The following THBS2 variants were observed in gnomAD, a reference collection of about 807,000 sequenced individuals.
THBS2 encodes thrombospondin-2.
Under a neutral mutation model 135.2 loss-of-function variants are expected in THBS2, and 47 were observed. The observed-to-expected ratio is 0.35, with a 90% CI of 0.28 to 0.44. The LOEUF (loss-of-function observed/expected upper bound fraction) is 0.44, where lower values mean the gene tolerates loss of function less well. Ranked by LOEUF, THBS2 falls within the 20% of genes least tolerant of loss-of-function variation. The pLI is 1.00. For missense variants in THBS2, 1,288 were observed against 1,603.1 expected, an observed-to-expected ratio of 0.80 and a Z score of 3.36; for synonymous variants, 639 against 633.8, an observed-to-expected ratio of 1.01 and a Z score of -0.12.
chr6:169,235,306 G>A (rs888081967), intron 9 of THBS2, among the ~76,000 whole-genome samples: 1 of 151,926 alleles, frequency 6.6e-6, no homozygotes, highest in Non-Finnish European at 1.5e-5. Flanking sequence ...ACAGGCATGA[G>A]CCACCGTGCC....
At chr6:169,238,348 G>T (rs1404766287) in intron 7 of THBS2, among the ~76,000 whole-genome samples, 2 of 152,192 alleles carry the variant, frequency 1.3e-5, no homozygotes, top group Non-Finnish European at 2.9e-5. Flanking sequence ...TAAATGGGGG[G>T]AAAGAGCAAC....
chr6:169,236,243 CCCCA>C (rs1225386677), intron 9 of THBS2, among the ~76,000 whole-genome samples: 12 of 134,036 alleles, frequency 9.0e-5, no homozygotes, highest in Admixed American at 7.4e-5. Context: ...CACACTCACT[CCCCA>C]TCCACATTCA....
chr6:169,217,214 T>G lies in THBS2; in HGVS notation c.*608A>C. The G allele has an allele frequency of 6.6e-6, 1 of 152,300 alleles. No homozygotes were observed. Among genetic ancestry groups the G allele is most frequent in the East Asian group, 1.9e-4 (1 of 5,202 alleles). 9.4% of individuals were successfully genotyped at this position (152,300 alleles called of 1,614,324 possible). A position where few individuals can be genotyped will look rare whatever the true frequency, so the allele number is the denominator to read the frequency against. On this transcript the variant is annotated 3_prime_UTR_variant, in exon 22 of 22. Coordinates refer to ENST00000617924, the MANE Select transcript of THBS2 (RefSeq NM_003247.5). ...GAGTTCGTTTATTTTTGTAACTGTT[T>G]TACATGTTCCGATTAGTTAATCGGT... is the stretch of plus-strand genomic sequence containing the variant.
At chr6:169,231,656 G>C (rs1583410282) in intron 13 of THBS2, among the ~76,000 whole-genome samples, 2 of 152,216 alleles carry the variant, frequency 1.3e-5, no homozygotes, top group Admixed American at 6.5e-5. Flanking sequence ...CCTCTGCACA[G>C]CCTGGAGCCG....
intron 21 of THBS2, among the ~76,000 whole-genome samples, 177 bp downstream of exon 21, chr6:169,220,016 ACAATC>A (rs1328301208): frequency 6.6e-5 from 10 of 152,184 alleles, no homozygotes; most frequent in African/African-American, 2.4e-4. Flanking sequence ...TAAAAACAAA[ACAATC>A]CAAGCTGACC....
intron 4 of THBS2, among the ~76,000 whole-genome samples, chr6:169,245,540 C>T (rs1007777663): frequency 1.3e-5 from 2 of 152,140 alleles, no homozygotes; most frequent in South Asian, 4.1e-4. Context: ...CACCTGTAAT[C>T]CCAGCACTTT....
At chr6:169,248,065 C>T (rs997067676) in intron 3 of THBS2, among the ~76,000 whole-genome samples, 14 of 149,488 alleles carry the variant, frequency 9.4e-5, no homozygotes, top group East Asian at 7.9e-4. Context: ...GTGTGTGTTG[C>T]GTGGTGTGTG....
intron 21 of THBS2, chr6:169,219,895 A>G (rs1212989773): frequency 3.5e-6 from 2 of 575,350 alleles, no homozygotes; most frequent in African/African-American, 3.7e-5. Context: ...AAATGGCGTC[A>G]GGAGCCTGGA....
intron 7 of THBS2, 118 bp from the exon 8 acceptor site, chr6:169,237,913 G>A (rs1251031130): frequency 1.0e-5 from 13 of 1,274,048 alleles, no homozygotes; most frequent in Non-Finnish European, 1.2e-5. Flanking sequence ...GAATCTGAGG[G>A]GCCACTGCCT....
In THBS2 at chr6:169,217,569, C is replaced by A. The variant is rs1779219832; in HGVS notation, c.*253G>T. ...TGTAATGGCATGCCCAATTTTCACT[C>A]CACATAAAGTCTCATATATCACCAA... On this transcript the variant is annotated 3_prime_UTR_variant, in exon 22 of 22. Coordinates refer to ENST00000617924, the MANE Select transcript of THBS2 (RefSeq NM_003247.5). 6.6e-6 allele frequency: 3 copies of A among 456,224 alleles called. No individual in the cohort carries two copies. The highest frequency in any genetic ancestry group is 7.9e-6 in the Non-Finnish European group (2 of 253,508). The allele number at this position is 456,224 out of a possible 1,614,324, so 28.3% of individuals were successfully genotyped here.
chr6:169,252,843 A>AG lies in THBS2; in HGVS notation c.-23+880dup, dbSNP rs1250798475. 6.6e-6 allele frequency among the ~76,000 whole-genome samples: 1 copy of AG among 152,230 alleles called. No homozygotes were observed. Among genetic ancestry groups the AG allele is most frequent in the Non-Finnish European group, 1.5e-5 (1 of 68,046 alleles). On this transcript the variant is annotated intron_variant, in intron 1 of 21. Coordinates refer to ENST00000617924, the MANE Select transcript of THBS2 (RefSeq NM_003247.5). The surrounding 1 kb of genome is among the most constrained non-coding windows in gnomAD (Gnocchi z 4.3). ...AGCAGAATGTAGTTTGAATTTGCAA[A>AG]GGTCTTTTAAAACTCTTTTCGTATG...
Position 169,241,621 on chromosome 6 carries a change from G to GA in THBS2, c.891+140dup. On this transcript the variant is annotated intron_variant, in intron 5 of 21. Transcript: ENST00000617924. This position sits in a 1 kb window ranked among gnomAD's most constrained non-coding sequence, Gnocchi z 5.5. ...AGCAAGGATCCTGAGGAGCCCGGCA[G>GA]ACACCTCCCCTGTGAACTGTGGGTT... is the stretch of plus-strand genomic sequence containing the variant. 1 of 817,112 alleles carries GA rather than the reference G, an allele frequency of 1.2e-6. No homozygotes were observed. Among genetic ancestry groups the GA allele is most frequent in the South Asian group, 2.3e-5 (1 of 43,872 alleles). 50.6% of individuals were successfully genotyped at this position (817,112 alleles called of 1,614,324 possible).
chr6:169,247,890 ATGTC>A (rs1016026529), intron 3 of THBS2, among the ~76,000 whole-genome samples: 17 of 150,374 alleles, frequency 1.1e-4, no homozygotes, highest in South Asian at 4.2e-4. Flanking sequence ...GTTCACATGT[ATGTC>A]TGTGTGGTGT....
chr6:169,218,643 GTT>G, intron 21 of THBS2, among the ~76,000 whole-genome samples: 2 of 95,772 alleles, frequency 2.1e-5, no homozygotes, highest in African/African-American at 7.6e-5. Flanking sequence ...GAGATGGATG[GTT>G]GGGTGAATGG....
Position 169,252,472 on chromosome 6 carries a change from C to T in THBS2, c.-23+1252G>A, listed in dbSNP as rs1002685379. Among the ~76,000 whole-genome samples the T allele has an allele frequency of 2.6e-5, 4 of 152,184 alleles. No homozygotes were observed. Among genetic ancestry groups the T allele is most frequent in the East Asian group, 1.9e-4 (1 of 5,200 alleles). The stretch of plus-strand genomic sequence containing the variant: ...CCAGCCAAGAACAGGATGGTAAATG[C>T]GAAAGTTCTGGATGCCCAGCTTCAT... On this transcript the variant is annotated intron_variant, in intron 1 of 21. Coordinates refer to ENST00000617924, the MANE Select transcript of THBS2 (RefSeq NM_003247.5). This position sits in a 1 kb window ranked among gnomAD's most constrained non-coding sequence, Gnocchi z 4.3.
At chr6:169,245,528 C>T (rs1201193605) in intron 4 of THBS2, among the ~76,000 whole-genome samples, 5 of 152,140 alleles carry the variant, frequency 3.3e-5, no homozygotes, top group African/African-American at 1.2e-4. Flanking sequence ...CGTGGTGGCT[C>T]ACACCTGTAA....
chr6:169,222,516 C>T lies in THBS2; in HGVS notation c.3002-48G>A, dbSNP rs771345995. The T allele has an allele frequency of 1.8e-5, 29 of 1,579,572 alleles. No homozygotes were observed. In the Middle Eastern group the frequency reaches 5.1e-4, roughly 28 times the overall value. ...TCGTTAGAAACACCTTTCAGGTGGC[C>T]GGGAGTAGTGACTCATGCCTGTAAT... On this transcript the variant is annotated intron_variant, in intron 18 of 21. Transcript: ENST00000617924.
In THBS2 at chr6:169,222,471, G is replaced by A. The variant is rs1779461359; in HGVS notation, c.3002-3C>T. 2 of 1,611,526 alleles carry A rather than the reference G, an allele frequency of 1.2e-6. No individual in the cohort carries two copies. The highest frequency in any genetic ancestry group is 1.3e-5 in the African/African-American group (1 of 74,894). On this transcript the variant is annotated splice_region_variant and splice_polypyrimidine_tract_variant and intron_variant, in intron 18 of 21. Transcript: ENST00000617924. ...CACAGACCCAAACTCGTCAAAACCT[G>A]GATGCAACGCCATAAGGTTTCGTTA...
chr6:169,226,310 T>TAA lies in THBS2; in HGVS notation c.2420-14_2420-13dup. 1 of 1,602,812 alleles carries TAA rather than the reference T, an allele frequency of 6.2e-7. No individual in the cohort carries two copies. Among genetic ancestry groups the TAA allele is most frequent in the South Asian group, 1.1e-5 (1 of 90,638 alleles). ...TTCATTGAAGACATCTGTAAGTGTT[T>TAA]AAAGGGGGAAGAAAACAAAAACAAA... is the stretch of plus-strand genomic sequence containing the variant. On this transcript the variant is annotated splice_polypyrimidine_tract_variant and intron_variant, in intron 15 of 21. Coordinates refer to ENST00000617924, the MANE Select transcript of THBS2 (RefSeq NM_003247.5).
Sources: allele counts gnomAD v4.1 joint callset (sites outside exome capture counted in the v4.1 genomes callset), GRCh38; gene constraint gnomAD v4.1.1; non-coding constraint Gnocchi (gnomAD v3.1); transcripts MANE v1.5; gene names NCBI Gene and HGNC (gene_info 2026-07-23, HGNC 2026-07-21).